CDH4: variants seen among roughly 807,000 people sequenced by gnomAD.
CDH4 encodes cadherin-4.
CDH4 carries 33 observed loss-of-function variants against 86.0 expected under a neutral mutation model. That is an observed-to-expected ratio of 0.38 (90% CI 0.29 to 0.51). The LOEUF is 0.51. Among genes scored for constraint, CDH4 ranks in the 20% least tolerant of loss-of-function variants. CDH4 has a pLI of 0.86. For missense variants in CDH4, 1,114 were observed against 1,307.4 expected, an observed-to-expected ratio of 0.85 and a Z score of 2.28; for synonymous variants, 555 against 549.4, an observed-to-expected ratio of 1.01 and a Z score of -0.14.
intron 4 of CDH4, among the ~76,000 whole-genome samples, chr20:61,827,323 G>A (rs1981371793): frequency 2.0e-5 from 3 of 152,136 alleles, no homozygotes; most frequent in Non-Finnish European, 4.4e-5. Context: ...TATTCCTGGT[G>A]GGATATAGTC....
chr20:61,869,539 C>T (rs187710399), intron 6 of CDH4, among the ~76,000 whole-genome samples: 128 of 152,354 alleles, frequency 8.4e-4, no homozygotes, highest in African/African-American at 3.0e-3. Context: ...CTGTGGGATT[C>T]AGTTTCCCCA....
chr20:61,549,614 T>C (rs2086112695), intron 2 of CDH4, among the ~76,000 whole-genome samples: 2 of 152,194 alleles, frequency 1.3e-5, no homozygotes, highest in Admixed American at 6.5e-5. Context: ...GCAGCCTCTT[T>C]ATCCCTCATC....
intron 2 of CDH4, among the ~76,000 whole-genome samples, chr20:61,594,387 G>A (rs904648284): frequency 3.3e-5 from 5 of 152,232 alleles, no homozygotes; most frequent in Non-Finnish European, 7.4e-5. Flanking sequence ...ACAGTGTGCC[G>A]CTCATTGGGC....
chr20:61,568,283 T>G (rs1424427012), intron 2 of CDH4, among the ~76,000 whole-genome samples: 2 of 152,158 alleles, frequency 1.3e-5, no homozygotes, highest in African/African-American at 4.8e-5. Flanking sequence ...ATGGGGGTGA[T>G]TTCCCCATGC....
chr20:61,522,451 C>G (rs1429294909), intron 2 of CDH4, among the ~76,000 whole-genome samples: 1 of 152,238 alleles, frequency 6.6e-6, no homozygotes, highest in Non-Finnish European at 1.5e-5. Context: ...ATGTCGCATC[C>G]ATTAACGTTT....
At chr20:61,326,677 G>A (rs982315207) in intron 2 of CDH4, among the ~76,000 whole-genome samples, 10 of 152,220 alleles carry the variant, frequency 6.6e-5, no homozygotes, top group Non-Finnish European at 1.0e-4. Flanking sequence ...GTTTGCAAAT[G>A]TGCTGACTGA....
In CDH4 at chr20:61,436,863, A is replaced by G. The variant is rs570858676; in HGVS notation, c.169+181926A>G. Among the ~76,000 whole-genome samples, 39 of 152,278 alleles carry G rather than the reference A, an allele frequency of 2.6e-4. No homozygotes were observed. In the South Asian group the frequency reaches 8.1e-3, roughly 32 times the overall value. Reference sequence around the variant, plus strand: ...GAGTCACTTCATTAGCATAACAAAGACACTCCAATCTCTCAGGAAATTCCA... The same window carrying G: ...GAGTCACTTCATTAGCATAACAAAGGCACTCCAATCTCTCAGGAAATTCCA... On this transcript the variant is annotated intron_variant, in intron 2 of 15. Coordinates refer to ENST00000614565, the MANE Select transcript of CDH4 (RefSeq NM_001794.5).
In CDH4 at chr20:61,393,119, C is replaced by G. The variant is rs1298945069; in HGVS notation, c.169+138182C>G. Among the ~76,000 whole-genome samples, 1 of 150,542 alleles carries G rather than the reference C, an allele frequency of 6.6e-6. No individual in the cohort carries two copies. The highest frequency in any genetic ancestry group is 1.5e-5 in the Non-Finnish European group (1 of 67,740). ...TCCCACTGAATCTCTGTAGAAATAT[C>G]CTCTTTATTATCTCATCTGACCTGA... On this transcript the variant is annotated intron_variant, in intron 2 of 15. Transcript: ENST00000614565. This position sits in a 1 kb window ranked among gnomAD's most constrained non-coding sequence, Gnocchi z 4.3.
chr20:61,490,563 G>A (rs1179883573), intron 2 of CDH4, among the ~76,000 whole-genome samples: 7 of 152,124 alleles, frequency 4.6e-5, no homozygotes, highest in Non-Finnish European at 8.8e-5. Flanking sequence ...GCTGGGCATA[G>A]TGGTGGGTGC....
intron 2 of CDH4, among the ~76,000 whole-genome samples, chr20:61,610,179 C>T (rs1283388402): frequency 6.6e-6 from 1 of 152,192 alleles, no homozygotes; most frequent in East Asian, 1.9e-4. Flanking sequence ...CAGGATCTGA[C>T]ATTCACCATT....
rs1013521047 is a variant in CDH4 at position 61,851,878 on chromosome 20, G to A, written c.733-876G>A. Among the ~76,000 whole-genome samples the A allele has an allele frequency of 2.0e-5, 3 of 152,328 alleles. No homozygotes were observed. The East Asian group carries it at 5.8e-4, about 29-fold the overall frequency. On this transcript the variant is annotated intron_variant, in intron 5 of 15. Coordinates refer to ENST00000614565, the MANE Select transcript of CDH4 (RefSeq NM_001794.5). Reference sequence around the variant, plus strand: ...CATTGTCCCTTGGATGGAAGCTCCAGGGCAGCCACACTGCCTTCAGTGCAC... The same window carrying A: ...CATTGTCCCTTGGATGGAAGCTCCAAGGCAGCCACACTGCCTTCAGTGCAC...
chr20:61,874,006 C>T (rs561484339), intron 7 of CDH4, 106 bp downstream of exon 7: 17 of 1,195,336 alleles, frequency 1.4e-5, no homozygotes, highest in South Asian at 8.3e-5. Flanking sequence ...GGGGAGTGAT[C>T]GACAGTCTCC....
chr20:61,501,973 C>T lies in CDH4; in HGVS notation c.170-241590C>T, dbSNP rs150352995. Among the ~76,000 whole-genome samples, 173 of 152,246 alleles carry T rather than the reference C, an allele frequency of 1.1e-3. No homozygotes were observed. Among genetic ancestry groups the T allele is most frequent in the African/African-American group, 3.9e-3 (160 of 41,554 alleles). ...AAGATGAACCGAGTGGGCACGTTAGCCCAGGCCGTTACCCTTTAGTGGGCG... is the reference window on the plus strand; with the variant it reads ...AAGATGAACCGAGTGGGCACGTTAGTCCAGGCCGTTACCCTTTAGTGGGCG... On this transcript the variant is annotated intron_variant, in intron 2 of 15. Coordinates refer to ENST00000614565, the MANE Select transcript of CDH4 (RefSeq NM_001794.5). The surrounding 1 kb of genome is among the most constrained non-coding windows in gnomAD (Gnocchi z 4.2).
intron 2 of CDH4, among the ~76,000 whole-genome samples, chr20:61,405,972 G>T (rs535659995): frequency 1.3e-5 from 2 of 152,188 alleles, no homozygotes; most frequent in Admixed American, 1.3e-4. Context: ...GAGCCACCGC[G>T]CCCGGCCTAT....
chr20:61,803,619 C>T (rs1434532591), intron 4 of CDH4, among the ~76,000 whole-genome samples: 5 of 152,196 alleles, frequency 3.3e-5, no homozygotes, highest in Non-Finnish European at 7.3e-5. Context: ...GAGGGTGGGG[C>T]ATCTTGAGGC....
At chr20:61,785,785 A>G (rs1978850203) in intron 4 of CDH4, among the ~76,000 whole-genome samples, 1 of 152,306 alleles carries the variant, frequency 6.6e-6, no homozygotes, top group South Asian at 2.1e-4. Flanking sequence ...GGGCCAGCTT[A>G]GCCACTTAGC....
intron 2 of CDH4, among the ~76,000 whole-genome samples, chr20:61,373,461 C>T (rs1237758495): frequency 6.6e-6 from 1 of 152,202 alleles, no homozygotes; most frequent in Admixed American, 6.5e-5. Context: ...ATTCTTTGTT[C>T]TTTGAAGATA....
chr20:61,255,857 C>T (rs1163285943), intron 2 of CDH4, among the ~76,000 whole-genome samples: 5 of 152,138 alleles, frequency 3.3e-5, no homozygotes, highest in Admixed American at 2.6e-4. Context: ...TTCAGATCCT[C>T]GCCCTTCAAG....
intron 2 of CDH4, among the ~76,000 whole-genome samples, chr20:61,626,216 G>A (rs996668565): frequency 6.6e-6 from 1 of 152,184 alleles, no homozygotes; most frequent in African/African-American, 2.4e-5. Context: ...ACTGGGTCAG[G>A]GAACGGCGGA....
Sources: allele counts gnomAD v4.1 joint callset (sites outside exome capture counted in the v4.1 genomes callset), GRCh38; gene constraint gnomAD v4.1.1; non-coding constraint Gnocchi (gnomAD v3.1); transcripts MANE v1.5; gene names NCBI Gene and HGNC (gene_info 2026-07-23, HGNC 2026-07-21).